Variants in PPM1A observed in about 807,000 individuals in gnomAD.
The protein encoded by PPM1A is protein phosphatase 1A.
PPM1A carries 7 observed loss-of-function variants against 35.0 expected under a neutral mutation model. The observed-to-expected ratio is 0.20, with a 90% CI of 0.11 to 0.38. The LOEUF (loss-of-function observed/expected upper bound fraction) is 0.38. Among genes scored for constraint, PPM1A ranks in the 10% least tolerant of loss-of-function variants. The pLI, the probability that PPM1A is intolerant of heterozygous loss-of-function variation, is 1.00. For synonymous variants in PPM1A, 153 were observed against 167.3 expected (o/e 0.91, Z 0.66); for missense variants, 239 against 467.8 (o/e 0.51, Z 4.51).
Position 60,294,343 on chromosome 14 carries a change from A to G in PPM1A, c.*1861A>G, listed in dbSNP as rs568581699. On this transcript the variant is annotated 3_prime_UTR_variant, in exon 6 of 6. Coordinates refer to ENST00000395076, the MANE Select transcript of PPM1A (RefSeq NM_021003.5). ...GAGGAAAAACTGAAGTACTATTTAT[A>G]TTTAGAAATTCATATCAGTTGAAAT... 17 of 152,012 alleles carry G rather than the reference A, an allele frequency of 1.1e-4. No homozygotes were observed. The highest frequency in any genetic ancestry group is 3.6e-4 in the African/African-American group (15 of 41,538). The allele number at this position is 152,012 out of a possible 1,614,324, so 9.4% of individuals were successfully genotyped here.
chr14:60,271,939 A>G (rs1225254958), intron 1 of PPM1A, among the ~76,000 whole-genome samples: 4 of 152,154 alleles, frequency 2.6e-5, no homozygotes, highest in African/African-American at 9.7e-5. Flanking sequence ...TTGCTTATTT[A>G]TTGATGAGGA....
Position 60,298,283 on chromosome 14 carries a change from C to G in PPM1A, c.*5801C>G, listed in dbSNP as rs768588181. On this transcript the variant is annotated 3_prime_UTR_variant, in exon 6 of 6. Coordinates refer to ENST00000395076, the MANE Select transcript of PPM1A (RefSeq NM_021003.5). ...TAATACATTTATTTACCTGTCAGAT[C>G]TCCAGGTTTTAAGATTTTGAGCTTT... is the stretch of plus-strand genomic sequence containing the variant. The G allele has an allele frequency of 6.6e-5, 10 of 151,562 alleles. No homozygotes were observed. Among genetic ancestry groups the G allele is most frequent in the Non-Finnish European group, 1.3e-4 (9 of 67,650 alleles). 9.4% of individuals were successfully genotyped at this position (151,562 alleles called of 1,614,324 possible).
At chr14:60,251,394 G>T (rs1293295821) in intron 1 of PPM1A, among the ~76,000 whole-genome samples, 1 of 152,050 alleles carries the variant, frequency 6.6e-6, no homozygotes, top group African/African-American at 2.4e-5. Flanking sequence ...TATGTATTTT[G>T]TGTACATATT....
Position 60,249,310 on chromosome 14 carries a change from A to G in PPM1A, c.-388A>G. 1 of 950,192 alleles carries G rather than the reference A, an allele frequency of 1.1e-6. No individual in the cohort carries two copies. The highest frequency in any genetic ancestry group is 4.9e-5 in the South Asian group (1 of 20,466). 58.9% of individuals were successfully genotyped at this position (950,192 alleles called of 1,614,324 possible). A position where few individuals can be genotyped will look rare whatever the true frequency, so the allele number is the denominator to read the frequency against. On this transcript the variant is annotated 5_prime_UTR_variant, in exon 1 of 6. Transcript: ENST00000395076. This position sits in a 1 kb window ranked among gnomAD's most constrained non-coding sequence, Gnocchi z 4.5. ...TGGTCTCGGCGCTCGTCCGGCCCGC[A>G]GCTTCGGGTCCTCAGGCGGCTGTTG...
Position 60,296,787 on chromosome 14 carries a change from A to G in PPM1A, c.*4305A>G. ...CTCAGTTAAATGTTTGTTATTACTG[A>G]TAGTCAAAATGCTCAATAGAAATGA... On this transcript the variant is annotated 3_prime_UTR_variant, in exon 6 of 6. Coordinates refer to ENST00000395076, the MANE Select transcript of PPM1A (RefSeq NM_021003.5). This position sits in a 1 kb window ranked among gnomAD's most constrained non-coding sequence, Gnocchi z 4.4. 3.0e-6 allele frequency: 1 copy of G among 332,632 alleles called. No homozygotes were observed. 20.6% of individuals were successfully genotyped at this position (332,632 alleles called of 1,614,324 possible). A position where few individuals can be genotyped will look rare whatever the true frequency, so the allele number is the denominator to read the frequency against.
rs184872430 is a variant in PPM1A at position 60,296,938 on chromosome 14, A to G, written c.*4456A>G. The G allele has an allele frequency of 2.5e-3, 665 of 266,190 alleles. 8 individuals are homozygous for G. Among genetic ancestry groups the G allele is most frequent in the African/African-American group, 0.014 (628 of 46,092 alleles). The allele number at this position is 266,190 out of a possible 1,614,324, so 16.5% of individuals were successfully genotyped here. ...CTGCTCTCACTGTTTTCCTATTTAT[A>G]TTACTAGCAGGTAGGAGTGCTAATT... On this transcript the variant is annotated 3_prime_UTR_variant, in exon 6 of 6. Coordinates refer to ENST00000395076, the MANE Select transcript of PPM1A (RefSeq NM_021003.5). This position sits in a 1 kb window ranked among gnomAD's most constrained non-coding sequence, Gnocchi z 4.4.
At position 60,290,044 on chromosome 14, in the gene PPM1A, A is replaced by AT. The variant is rs77032119; in HGVS notation, c.1061+139dup. The stretch of plus-strand genomic sequence containing the variant: ...ATCTGTGTTTTAACCTGTGATTTCA[A>AT]TTTTTTTTTAGTATTAGAATATCTA... On this transcript the variant is annotated intron_variant, in intron 4 of 5. Transcript: ENST00000395076. 5,259 of 575,788 alleles carry AT rather than the reference A, an allele frequency of 9.1e-3. 297 individuals are homozygous for AT. In the East Asian group the frequency reaches 0.16, roughly 17 times the overall value. 35.7% of individuals were successfully genotyped at this position (575,788 alleles called of 1,614,324 possible).
At chr14:60,248,038 G>C (rs1595242022), upstream of PPM1A, among the ~76,000 whole-genome samples, 1 of 151,560 alleles carries the variant, frequency 6.6e-6, no homozygotes, top group African/African-American at 2.4e-5. Context: ...TCAAATTCGT[G>C]AACTGGTTAA....
intron 3 of PPM1A, among the ~76,000 whole-genome samples, chr14:60,288,836 A>C (rs1222388506): frequency 6.6e-6 from 1 of 152,146 alleles, no homozygotes; most frequent in African/African-American, 2.4e-5. Context: ...TAAACATTGA[A>C]AAACAAACTG....
At chr14:60,248,812 A>T (rs1881965841), upstream of PPM1A, 1 of 152,534 alleles carries the variant, frequency 6.6e-6, no homozygotes, top group Non-Finnish European at 1.5e-5. Flanking sequence ...GTAGCTTCCG[A>T]GTCCCTACTT....
chr14:60,280,139 G>A (rs1037390062), intron 1 of PPM1A, among the ~76,000 whole-genome samples: 2 of 152,158 alleles, frequency 1.3e-5, no homozygotes, highest in Non-Finnish European at 2.9e-5. Context: ...CCAAGTAGCC[G>A]GGATTACGGG....
intron 1 of PPM1A, among the ~76,000 whole-genome samples, chr14:60,255,272 C>T (rs1171100071): frequency 1.4e-5 from 2 of 147,656 alleles, no homozygotes; most frequent in African/African-American, 2.6e-5. Context: ...CCCGGGTTCA[C>T]GCCATTCTCC....
At chr14:60,267,465 T>A (rs1847083847) in intron 1 of PPM1A, among the ~76,000 whole-genome samples, 1 of 152,070 alleles carries the variant, frequency 6.6e-6, no homozygotes, top group African/African-American at 2.4e-5. Flanking sequence ...TAATATATAT[T>A]TTACTGACTT....
intron 1 of PPM1A, among the ~76,000 whole-genome samples, chr14:60,259,092 A>G (rs1250867590): frequency 6.6e-6 from 1 of 152,098 alleles, no homozygotes; most frequent in Non-Finnish European, 1.5e-5. Flanking sequence ...CTTTCACTTG[A>G]AAAGGTTTTT....
Position 60,294,805 on chromosome 14 carries a change from C to G in PPM1A, c.*2323C>G, listed in dbSNP as rs549355021. 6.6e-6 allele frequency: 1 copy of G among 151,498 alleles called. No individual in the cohort carries two copies. The highest frequency in any genetic ancestry group is 1.5e-5 in the Non-Finnish European group (1 of 67,756). 9.4% of individuals were successfully genotyped at this position (151,498 alleles called of 1,614,324 possible). A position where few individuals can be genotyped will look rare whatever the true frequency, so the allele number is the denominator to read the frequency against. ...AATTAGGCTTGGACACGAGAGAGAA[C>G]CGTATTTGAGTGATGTGAGAAGACT... On this transcript the variant is annotated 3_prime_UTR_variant, in exon 6 of 6. Transcript: ENST00000395076.
At chr14:60,287,944 G>A (rs1887207632) in intron 3 of PPM1A, 1 of 985,154 alleles carries the variant, frequency 1.0e-6, no homozygotes, top group Non-Finnish European at 1.2e-6. Context: ...TTGTGTATAT[G>A]TATGTGAAAC....
At chr14:60,291,026 C>T (rs1468794997) in intron 4 of PPM1A, among the ~76,000 whole-genome samples, 1 of 152,106 alleles carries the variant, frequency 6.6e-6, no homozygotes, top group Non-Finnish European at 1.5e-5. Context: ...TTCAAAACTA[C>T]GATGCAACTC....
intron 2 of PPM1A, among the ~76,000 whole-genome samples, chr14:60,285,033 T>G (rs575023904): frequency 6.6e-6 from 1 of 152,178 alleles, no homozygotes; most frequent in Non-Finnish European, 1.5e-5. Context: ...TAAAAATGAA[T>G]GTAGTTCCTA....
chr14:60,271,074 G>T (rs960125372), intron 1 of PPM1A, among the ~76,000 whole-genome samples: 1 of 152,164 alleles, frequency 6.6e-6, no homozygotes, highest in African/African-American at 2.4e-5. Context: ...CACTCCCGAG[G>T]CTTTAAGGAG....
Sources: gnomAD v4.1 joint callset for allele counts (sites outside exome capture counted in the v4.1 genomes callset) on GRCh38, gnomAD v4.1.1 for gene constraint, Gnocchi (gnomAD v3.1) non-coding constraint, MANE v1.5 for transcripts, NCBI Gene and HGNC (gene_info 2026-07-23, HGNC 2026-07-21) for gene names.